Variants in KCNQ1 observed in about 807,000 individuals in gnomAD.
The protein encoded by KCNQ1 is potassium voltage-gated channel subfamily Q member 1.
In KCNQ1, 49 loss-of-function variants were observed where a neutral mutation model predicts 72.4. That is an observed-to-expected ratio of 0.68 (90% CI 0.54 to 0.86). KCNQ1 has a LOEUF of 0.86. Among genes scored for constraint, KCNQ1 ranks in the 40% least tolerant of loss-of-function variants. The pLI, the probability that KCNQ1 is intolerant of heterozygous loss-of-function variation, is 0.00. For missense variants in KCNQ1, 790 were observed against 945.1 expected (o/e 0.84, Z 2.15); for synonymous variants, 450 against 412.6 (o/e 1.09, Z -1.10).
intron 15 of KCNQ1, among the ~76,000 whole-genome samples, chr11:2,837,441 T>G (rs1357675774): frequency 6.6e-6 from 1 of 152,174 alleles, no homozygotes; most frequent in Non-Finnish European, 1.5e-5. Context: ...GCCCCCAGGC[T>G]GCACTGTGCC....
At position 2,550,763 on chromosome 11, in the gene KCNQ1, C is replaced by T. The variant is rs115823775; in HGVS notation, c.478-19865C>T. ...CACCAGGCTCAGCCCAGGACCAGAG[C>T]GCAAATAGGGCTGGAGTCCCGAGTA... On this transcript the variant is annotated intron_variant, in intron 2 of 15. Coordinates refer to ENST00000155840, the MANE Select transcript of KCNQ1 (RefSeq NM_000218.3). The surrounding 1 kb of genome is among the most constrained non-coding windows in gnomAD (Gnocchi z 6.0). Among the ~76,000 whole-genome samples the T allele has an allele frequency of 8.5e-5, 13 of 152,204 alleles. No individual in the cohort carries two copies. The East Asian group carries it at 1.9e-3, about 23-fold the overall frequency.
intron 11 of KCNQ1, chr11:2,675,573 T>A: frequency 2.5e-6 from 1 of 398,604 alleles, no homozygotes. Context: ...TACGTAACAG[T>A]TTCACTTCCT....
intron 10 of KCNQ1, among the ~76,000 whole-genome samples, chr11:2,597,462 T>C (rs567439989): frequency 3.0e-4 from 45 of 152,224 alleles, no homozygotes; most frequent in African/African-American, 9.9e-4. Flanking sequence ...AAGTATCATA[T>C]CTCCGTTAAA....
intron 1 of KCNQ1, among the ~76,000 whole-genome samples, chr11:2,527,447 C>T (rs1402586061): frequency 6.6e-6 from 1 of 152,218 alleles, no homozygotes; most frequent in Non-Finnish European, 1.5e-5. Context: ...CACTGCAGTT[C>T]ATTTGTGGCT....
chr11:2,670,193 G>T lies in KCNQ1; in HGVS notation c.1514+8112G>T, dbSNP rs1455752991. On this transcript the variant is annotated intron_variant, in intron 11 of 15. Coordinates refer to ENST00000155840, the MANE Select transcript of KCNQ1 (RefSeq NM_000218.3). This position sits in a 1 kb window ranked among gnomAD's most constrained non-coding sequence, Gnocchi z 4.9. Reference sequence around the variant, plus strand: ...AGGCAAGCACCCACATTAAAGCAGAGTGAAGAGCAGGGCGAGCTGTGTAGC... The same window carrying T: ...AGGCAAGCACCCACATTAAAGCAGATTGAAGAGCAGGGCGAGCTGTGTAGC... 3 of 398,526 alleles carry T rather than the reference G, an allele frequency of 7.5e-6. No homozygotes were observed. The highest frequency in any genetic ancestry group is 4.4e-5 in the Admixed American group (1 of 22,720). 24.7% of individuals were successfully genotyped at this position (398,526 alleles called of 1,614,324 possible).
chr11:2,461,004 G>A (rs1022636926), intron 1 of KCNQ1, among the ~76,000 whole-genome samples: 2 of 152,262 alleles, frequency 1.3e-5, no homozygotes, highest in Non-Finnish European at 2.9e-5. Context: ...GGGGGTGTCC[G>A]GGAGTCGGAT....
chr11:2,618,702 A>G, intron 10 of KCNQ1: 2 of 398,508 alleles, frequency 5.0e-6, no homozygotes, highest in Non-Finnish European at 8.8e-6. Flanking sequence ...TTCCAAATGA[A>G]CTTTAGAATT....
Position 2,720,533 on chromosome 11 carries a change from G to A in KCNQ1, c.1515-48311G>A, listed in dbSNP as rs2133929174. Among the ~76,000 whole-genome samples, 1 of 152,316 alleles carries A rather than the reference G, an allele frequency of 6.6e-6. No homozygotes were observed. Among genetic ancestry groups the A allele is most frequent in the African/African-American group, 2.4e-5 (1 of 41,576 alleles). ...GGAGAGGGACCCAGGGCTGACCAGA[G>A]CAAGCAGTGTGCCATTAACCCCTAC... On this transcript the variant is annotated intron_variant, in intron 11 of 15. Coordinates refer to ENST00000155840, the MANE Select transcript of KCNQ1 (RefSeq NM_000218.3). This position sits in a 1 kb window ranked among gnomAD's most constrained non-coding sequence, Gnocchi z 5.1.
rs188224130 is a variant in KCNQ1, at chr11:2,803,538, G to T, written c.1794+25501G>T. The stretch of plus-strand genomic sequence containing the variant: ...CAAACCTCGCCCTTTCTCCCTGCAG[G>T]CACTGGCAGAGCTGGGGGTGATGGG... On this transcript the variant is annotated intron_variant, in intron 15 of 15. Coordinates refer to ENST00000155840, the MANE Select transcript of KCNQ1 (RefSeq NM_000218.3). This position sits in a 1 kb window ranked among gnomAD's most constrained non-coding sequence, Gnocchi z 6.4. 6.6e-6 allele frequency among the ~76,000 whole-genome samples: 1 copy of T among 152,144 alleles called. No individual in the cohort carries two copies. Among genetic ancestry groups the T allele is most frequent in the Non-Finnish European group, 1.5e-5 (1 of 68,012 alleles).
intron 11 of KCNQ1, among the ~76,000 whole-genome samples, chr11:2,702,834 G>A (rs935403883): frequency 6.6e-6 from 1 of 152,164 alleles, no homozygotes; most frequent in African/African-American, 2.4e-5. Context: ...CACCAGACGT[G>A]GTCAGGAAGG....
chr11:2,452,391 C>G (rs2133569345), intron 1 of KCNQ1, among the ~76,000 whole-genome samples: 1 of 152,310 alleles, frequency 6.6e-6, no homozygotes, highest in African/African-American at 2.4e-5. Flanking sequence ...TCACCCCACC[C>G]TGGGGCCAGG....
rs1847655736 is a variant in KCNQ1, at chr11:2,818,119, C to T, written c.1795-29648C>T. Among the ~76,000 whole-genome samples the T allele has an allele frequency of 6.6e-6, 1 of 152,204 alleles. No homozygotes were observed. Among genetic ancestry groups the T allele is most frequent in the Non-Finnish European group, 1.5e-5 (1 of 68,038 alleles). ...CCACCCTGCACCCTGAGTTCCACAA[C>T]ATCTAAACCCAGTGTCTGCTGGCCC... On this transcript the variant is annotated intron_variant, in intron 15 of 15. Transcript: ENST00000155840. This position sits in a 1 kb window ranked among gnomAD's most constrained non-coding sequence, Gnocchi z 7.2.
chr11:2,708,587 C>T (rs1177829512), intron 11 of KCNQ1, among the ~76,000 whole-genome samples: 1 of 152,112 alleles, frequency 6.6e-6, no homozygotes, highest in Non-Finnish European at 1.5e-5. Flanking sequence ...TGGGCAGTGA[C>T]CAGAAGACTC....
At chr11:2,680,109 C>T in intron 11 of KCNQ1, 1 of 395,172 alleles carries the variant, frequency 2.5e-6, no homozygotes, top group Non-Finnish European at 4.4e-6. Context: ...CCAGGCTGGT[C>T]TCAAACTCCT....
chr11:2,584,019 AAT>A (rs1848546303), intron 7 of KCNQ1, among the ~76,000 whole-genome samples: 1 of 151,140 alleles, frequency 6.6e-6, no homozygotes, highest in Non-Finnish European at 1.5e-5. Flanking sequence ...GTATGTGCAT[AAT>A]ATGTGTTTGT....
rs539041569 is a variant in KCNQ1, at chr11:2,488,506, T to C, written c.387-39422T>C. Among the ~76,000 whole-genome samples, 1 of 152,340 alleles carries C rather than the reference T, an allele frequency of 6.6e-6. No individual in the cohort carries two copies. Among genetic ancestry groups the C allele is most frequent in the African/African-American group, 2.4e-5 (1 of 41,586 alleles). On this transcript the variant is annotated intron_variant, in intron 1 of 15. Transcript: ENST00000155840. The surrounding 1 kb of genome is among the most constrained non-coding windows in gnomAD (Gnocchi z 5.1). ...CAGGCTTTTCTTTGTTGAGAGTTTTTTGATTACTGATTCAATCTCCTCACT... is the reference window on the plus strand; with the variant it reads ...CAGGCTTTTCTTTGTTGAGAGTTTTCTGATTACTGATTCAATCTCCTCACT...
chr11:2,686,095 A>T (rs556109491), intron 11 of KCNQ1: 3 of 398,844 alleles, frequency 7.5e-6, no homozygotes, highest in East Asian at 3.6e-5. Flanking sequence ...AGTAGGCCTG[A>T]GTTGATGGCA....
intron 11 of KCNQ1, among the ~76,000 whole-genome samples, chr11:2,741,134 G>A (rs1564878052): frequency 1.3e-5 from 2 of 152,184 alleles, no homozygotes; most frequent in Admixed American, 1.3e-4. Context: ...CTGCCTCCGG[G>A]GGAAGTCAAG....
rs2133941904 is a variant in KCNQ1, at chr11:2,732,230, C to T, written c.1515-36614C>T. Reference sequence around the variant, plus strand: ...GCTTGGTCTTGCCTCAGGAGCATTGCTGGCACCTCTCATGTGCTCCTGGGC... The same window carrying T: ...GCTTGGTCTTGCCTCAGGAGCATTGTTGGCACCTCTCATGTGCTCCTGGGC... On this transcript the variant is annotated intron_variant, in intron 11 of 15. Transcript: ENST00000155840. Among the ~76,000 whole-genome samples the T allele has an allele frequency of 2.6e-5, 4 of 152,342 alleles. No homozygotes were observed. In the Middle Eastern group the frequency reaches 0.014, roughly 518 times the overall value.
Sources: gnomAD v4.1 joint callset for allele counts (sites outside exome capture counted in the v4.1 genomes callset) on GRCh38, gnomAD v4.1.1 for gene constraint, Gnocchi (gnomAD v3.1) non-coding constraint, MANE v1.5 for transcripts, NCBI Gene and HGNC (gene_info 2026-07-23, HGNC 2026-07-21) for gene names.